Variants in LEPR observed in about 807,000 individuals in gnomAD.
LEPR encodes OB receptor.
Under a neutral mutation model 114.7 loss-of-function variants are expected in LEPR, and 56 were observed. The ratio of observed to expected loss-of-function variants is 0.49; its 90% CI spans 0.39 to 0.61. The LOEUF is 0.61. LEPR is among the 20% of genes least tolerant of loss of function. The pLI is 0.00. For synonymous variants in LEPR, 443 were observed against 461.4 expected, an observed-to-expected ratio of 0.96 and a Z score of 0.51; for missense variants, 1,202 against 1,352.9, an observed-to-expected ratio of 0.89 and a Z score of 1.75.
chr1:65,629,660 T>C (rs942389730), intron 19 of LEPR, among the ~76,000 whole-genome samples: 2 of 151,708 alleles, frequency 1.3e-5, no homozygotes, highest in Non-Finnish European at 2.9e-5. Context: ...CATCCATTCA[T>C]CCCTCTCTCC....
In LEPR at chr1:65,440,565, G is replaced by A. The variant is rs541510621; in HGVS notation, c.-21+15187G>A. Among the ~76,000 whole-genome samples the A allele has an allele frequency of 8.5e-5, 13 of 152,258 alleles. No individual in the cohort carries two copies. In the East Asian group the frequency reaches 2.5e-3, roughly 29 times the overall value. ...CTTACCTAGAAGATGACGTTTGAAG[G>A]AAGTAGAGGCAGTTATGGAGGCGGC... On this transcript the variant is annotated intron_variant, in intron 2 of 19. Coordinates refer to ENST00000349533, the MANE Select transcript of LEPR (RefSeq NM_002303.6).
intron 19 of LEPR, chr1:65,635,492 T>C: frequency 1.9e-6 from 1 of 527,382 alleles, no homozygotes; most frequent in Non-Finnish European, 2.4e-6. Context: ...TGAAGTTATT[T>C]ATAAGGAATA....
intron 5 of LEPR, among the ~76,000 whole-genome samples, chr1:65,574,878 A>G (rs1654467681): frequency 6.6e-6 from 1 of 152,170 alleles, no homozygotes; most frequent in Non-Finnish European, 1.5e-5. Flanking sequence ...GTGTGAAAGT[A>G]ATGGGTCTTT....
chr1:65,524,679 A>C (rs1254544171), intron 2 of LEPR, among the ~76,000 whole-genome samples: 1 of 152,134 alleles, frequency 6.6e-6, no homozygotes. Context: ...AGGCCTTTAA[A>C]AATTAGCCAT....
At position 65,566,883 on chromosome 1, in the gene LEPR, T is replaced by G. The variant is rs923373981; in HGVS notation, c.40+1278T>G. On this transcript the variant is annotated intron_variant, in intron 3 of 19. Coordinates refer to ENST00000349533, the MANE Select transcript of LEPR (RefSeq NM_002303.6). ...ACCTAGATAGCTCCACCATTACAGATTTCCAAAAAATTATGCCACAAGGGA... is the reference window on the plus strand; with the variant it reads ...ACCTAGATAGCTCCACCATTACAGAGTTCCAAAAAATTATGCCACAAGGGA... 2.0e-4 allele frequency among the ~76,000 whole-genome samples: 30 copies of G among 152,192 alleles called. 1 individual carries two copies.
chr1:65,548,980 A>G (rs1652034686), intron 2 of LEPR, among the ~76,000 whole-genome samples: 1 of 152,114 alleles, frequency 6.6e-6, no homozygotes, highest in African/African-American at 2.4e-5. Flanking sequence ...TGCTTCCTTC[A>G]GGAGCTCTTT....
In LEPR at chr1:65,631,378, C is replaced by T. The variant is rs958848115; in HGVS notation, c.2674-4813C>T. ...GTGCCATTTCTTCACGCACTGTCTC[C>T]GCTGTATACGGCAGGGCTAATTTTC... is the stretch of plus-strand genomic sequence containing the variant. On this transcript the variant is annotated intron_variant, in intron 19 of 19. Transcript: ENST00000349533. Among the ~76,000 whole-genome samples, 12 of 152,046 alleles carry T rather than the reference C, an allele frequency of 7.9e-5. No individual in the cohort carries two copies. In the South Asian group the frequency reaches 1.0e-3, roughly 13 times the overall value.
chr1:65,441,081 CT>C (rs1199807144), intron 2 of LEPR, among the ~76,000 whole-genome samples: 2 of 152,262 alleles, frequency 1.3e-5, no homozygotes, highest in East Asian at 3.9e-4. Context: ...TTGTTAAACT[CT>C]GTGGAGATAA....
At chr1:65,426,826 A>G (rs1032615528) in intron 2 of LEPR, among the ~76,000 whole-genome samples, 1 of 152,056 alleles carries the variant, frequency 6.6e-6, no homozygotes, top group Non-Finnish European at 1.5e-5. Flanking sequence ...GTGAAACCCC[A>G]TCTCTACTAA....
At chr1:65,587,397 C>T (rs1436481038) in intron 5 of LEPR, among the ~76,000 whole-genome samples, 5 of 151,962 alleles carry the variant, frequency 3.3e-5, no homozygotes, top group Non-Finnish European at 5.9e-5. Flanking sequence ...TAGATAAAAT[C>T]GAAAGTGCTA....
At chr1:65,588,355 G>A (rs61781284) in intron 5 of LEPR, among the ~76,000 whole-genome samples, 23,213 of 139,774 alleles carry the variant, frequency 0.17, 1,978 homozygotes, top group Admixed American at 0.25. Context: ...TGATAGGCAA[G>A]GTATTGCTTA....
At chr1:65,587,628 A>AT (rs1206794898) in intron 5 of LEPR, among the ~76,000 whole-genome samples, 1 of 152,010 alleles carries the variant, frequency 6.6e-6, no homozygotes, top group Non-Finnish European at 1.5e-5. Context: ...GAAGTACTTG[A>AT]TTTTAGATCT....
chr1:65,571,211 A>G (rs1287544146), intron 4 of LEPR, among the ~76,000 whole-genome samples: 1 of 152,194 alleles, frequency 6.6e-6, no homozygotes, highest in African/African-American at 2.4e-5. Flanking sequence ...GGTTTTTCAG[A>G]AAGAATAGCT....
intron 2 of LEPR, among the ~76,000 whole-genome samples, chr1:65,545,703 A>G (rs1268820701): frequency 6.6e-6 from 1 of 152,218 alleles, no homozygotes; most frequent in Non-Finnish European, 1.5e-5. Context: ...GATTCTGGAT[A>G]TTAGCCCTTT....
chr1:65,618,035 C>T lies in LEPR; in HGVS notation c.2284C>T (p.Pro762Ser), dbSNP rs1341977307. The change falls in exon 16 of 20, where the codon CCC (proline) becomes TCC (serine). Residue 762 changes from proline (P) to serine (S), a missense_variant. By Grantham distance (74) the Pro-to-Ser change is moderately conservative. Transcript: ENST00000349533. ...TGTGATTGTTTCCTGGATACTATCA[C>T]CCAGTGATTACAAGCTAATGTATTT... Reference protein sequence around the residue: ...SCVIVSWILSPSDYKLMYFII... With the variant: ...SCVIVSWILSSSDYKLMYFII... 3 of 1,612,902 alleles carry T rather than the reference C, an allele frequency of 1.9e-6. No individual in the cohort carries two copies. Among genetic ancestry groups the T allele is most frequent in the African/African-American group, 1.3e-5 (1 of 74,950 alleles).
Position 65,634,208 on chromosome 1 carries a change from T to A in LEPR, c.2674-1983T>A, listed in dbSNP as rs1393623160. ...TTAATGAACTCAGTATTCAAATTTATTATATATGCGTATATATGTATATAT... is the reference window on the plus strand; with the variant it reads ...TTAATGAACTCAGTATTCAAATTTAATATATATGCGTATATATGTATATAT... On this transcript the variant is annotated intron_variant, in intron 19 of 19. Coordinates refer to ENST00000349533, the MANE Select transcript of LEPR (RefSeq NM_002303.6). 3 of 973,734 alleles carry A rather than the reference T, an allele frequency of 3.1e-6. No homozygotes were observed. The African/African-American group carries it at 5.3e-5, about 17-fold the overall frequency. The allele number at this position is 973,734 out of a possible 1,614,324, so 60.3% of individuals were successfully genotyped here.
In LEPR at chr1:65,432,579, A is replaced by AG. The variant is rs1483165078; in HGVS notation, c.-21+7201_-21+7202insG. ...TGCTCATTTGTTTAAAAAAAAAAAA[A>AG]AAGTCTCACCTGCTTTCATGCTGAG... On this transcript the variant is annotated intron_variant, in intron 2 of 19. Coordinates refer to ENST00000349533, the MANE Select transcript of LEPR (RefSeq NM_002303.6). 4.1e-6 allele frequency: 4 copies of AG among 977,224 alleles called. No individual in the cohort carries two copies. In the East Asian group the frequency reaches 4.5e-4, roughly 111 times the overall value. 60.5% of individuals were successfully genotyped at this position (977,224 alleles called of 1,614,324 possible). A position where few individuals can be genotyped will look rare whatever the true frequency, so the allele number is the denominator to read the frequency against.
In LEPR at chr1:65,636,476, G is replaced by A. The variant is rs776269726; in HGVS notation, c.2959G>A (p.Ala987Thr). The A allele has an allele frequency of 1.4e-5, 22 of 1,614,028 alleles. No homozygotes were observed. The highest frequency in any genetic ancestry group is 5.5e-5 in the South Asian group (5 of 91,074). The change falls in exon 20 of 20, where the codon GCC becomes ACC. Residue 987 changes from alanine (A) to threonine (T), a missense_variant. Transcript: ENST00000349533. ...ESQRQPFVKY[A>T]TLISNSKPSE... is the part of the protein sequence containing the mutation. ...CCAGAGACAACCCTTTGTTAAATAC[G>A]CCACGCTGATCAGCAACTCTAAACC...
In LEPR at chr1:65,610,279, G is replaced by A; in HGVS notation, c.1978G>A (p.Val660Ile). 1 of 1,612,890 alleles carries A rather than the reference G, an allele frequency of 6.2e-7. No homozygotes were observed. The highest frequency in any genetic ancestry group is 2.2e-5 in the East Asian group (1 of 44,852). ...AGATACTATGAAAAAGGAGAAAAAT[G>A]TCACTTTACTTTGGAAGGTATTCCC... ...NGDTMKKEKNVTLLWKPLMKN... is the reference protein window; with the variant it reads ...NGDTMKKEKNITLLWKPLMKN... Residue 660 changes from valine (V) to isoleucine (I), a missense_variant, in exon 14 of 20, where the codon GTC becomes ATC. By Grantham distance (29) the Val-to-Ile change is conservative (BLOSUM62 3). Transcript: ENST00000349533.
Sources: gnomAD v4.1 joint callset for allele counts (sites outside exome capture counted in the v4.1 genomes callset) on GRCh38, gnomAD v4.1.1 for gene constraint, MANE v1.5 for transcripts, NCBI Gene and HGNC (gene_info 2026-07-23, HGNC 2026-07-21) for gene names.